Variants in CNTN4 observed in about 807,000 individuals in gnomAD.
The protein encoded by CNTN4 is contactin 4, also known as contactin-4.
In CNTN4, 77 loss-of-function variants were observed where a neutral mutation model predicts 122.5. That is an observed-to-expected ratio of 0.63 (90% CI 0.52 to 0.76). The LOEUF is 0.76. Among genes scored for constraint, CNTN4 ranks in the 30% least tolerant of loss-of-function variants. The probability of loss-of-function intolerance (pLI) is 0.00; values close to 1 mark genes in which losing one functional copy is unlikely to be tolerated. For missense variants in CNTN4, 1,256 were observed against 1,259.1 expected, an observed-to-expected ratio of 1.00 and a Z score of 0.04; for synonymous variants, 512 against 447.0, an observed-to-expected ratio of 1.15 and a Z score of -1.83.
intron 6 of CNTN4, among the ~76,000 whole-genome samples, chr3:2,800,839 C>T (rs2092329947): frequency 6.6e-6 from 1 of 152,152 alleles, no homozygotes; most frequent in African/African-American, 2.4e-5. Flanking sequence ...TTTAAGAGCC[C>T]TTTCTTCTAC....
chr3:2,151,579 T>C (rs1036922721), intron 2 of CNTN4, among the ~76,000 whole-genome samples: 12 of 152,224 alleles, frequency 7.9e-5, no homozygotes, highest in African/African-American at 2.9e-4. Context: ...CCAAAACTCA[T>C]GTCGAAATTT....
chr3:2,104,987 A>T (rs1259904719), intron 2 of CNTN4, among the ~76,000 whole-genome samples: 2 of 152,160 alleles, frequency 1.3e-5, no homozygotes, highest in East Asian at 3.9e-4. Flanking sequence ...GGAGCATGGG[A>T]ACCAGGTCTT....
intron 2 of CNTN4, among the ~76,000 whole-genome samples, chr3:2,248,941 C>G (rs940794065): frequency 6.6e-6 from 1 of 151,832 alleles, no homozygotes; most frequent in South Asian, 2.1e-4. Flanking sequence ...AAGGTATTCC[C>G]TCGTACCCTC....
chr3:2,687,768 T>A (rs1449821788), intron 4 of CNTN4, among the ~76,000 whole-genome samples: 1 of 152,206 alleles, frequency 6.6e-6, no homozygotes, highest in Non-Finnish European at 1.5e-5. Flanking sequence ...TTTGATAGGG[T>A]TTTCATCAAG....
intron 3 of CNTN4, among the ~76,000 whole-genome samples, chr3:2,397,777 A>G (rs1022001668): frequency 6.6e-6 from 1 of 152,220 alleles, no homozygotes; most frequent in African/African-American, 2.4e-5. Flanking sequence ...GAGATTATTT[A>G]GAAATAATTA....
intron 2 of CNTN4, among the ~76,000 whole-genome samples, chr3:2,326,519 C>CACACACAT (rs1553624462): frequency 0.027 from 3,720 of 140,088 alleles, 93 homozygotes; most frequent in South Asian, 0.062. Context: ...CACACACACA[C>CACACACAT]ACACACACAA....
intron 4 of CNTN4, among the ~76,000 whole-genome samples, chr3:2,596,816 C>A (rs1456307598): frequency 6.6e-6 from 1 of 152,098 alleles, no homozygotes; most frequent in Non-Finnish European, 1.5e-5. Flanking sequence ...AATTTTAATA[C>A]AATAAATGCT....
chr3:2,896,258 A>G (rs1007907917), intron 10 of CNTN4, among the ~76,000 whole-genome samples: 1 of 152,132 alleles, frequency 6.6e-6, no homozygotes, highest in Admixed American at 6.5e-5. Context: ...AATTCTCAAT[A>G]TTTAATACAA....
At chr3:2,846,443 C>T (rs2093457453) in intron 7 of CNTN4, among the ~76,000 whole-genome samples, 1 of 152,198 alleles carries the variant, frequency 6.6e-6, no homozygotes, top group South Asian at 2.1e-4. Flanking sequence ...CATCCCCAGC[C>T]ATGCAGGATG....
chr3:2,433,311 C>T (rs2048144672), intron 3 of CNTN4, among the ~76,000 whole-genome samples: 1 of 152,206 alleles, frequency 6.6e-6, no homozygotes, highest in Non-Finnish European at 1.5e-5. Flanking sequence ...CTTCCTTTGT[C>T]TCTTCCATAA....
chr3:2,863,465 C>G (rs1410181730), intron 7 of CNTN4, among the ~76,000 whole-genome samples: 1 of 39,804 alleles, frequency 2.5e-5, no homozygotes, highest in African/African-American at 1.0e-4. Context: ...TTTTTTTTTT[C>G]AGCATAAGAA....
chr3:2,862,997 C>A (rs1384423591), intron 7 of CNTN4, among the ~76,000 whole-genome samples: 2 of 152,150 alleles, frequency 1.3e-5, no homozygotes, highest in African/African-American at 4.8e-5. Flanking sequence ...GTCCGCCTCA[C>A]CCCTTTTTGG....
At chr3:2,925,519 C>T in intron 12 of CNTN4, 110 bp from the exon 13 acceptor site, 2 of 1,219,056 alleles carry the variant, frequency 1.6e-6, no homozygotes, top group South Asian at 2.8e-5. Flanking sequence ...CACCACTGCA[C>T]TGGCAACAGA....
chr3:2,381,882 G>A (rs562632053), intron 3 of CNTN4, among the ~76,000 whole-genome samples: 496 of 152,114 alleles, frequency 3.3e-3, no homozygotes, highest in Non-Finnish European at 5.6e-3. Context: ...CTATGAAGGT[G>A]CAAGGTTCTA....
intron 3 of CNTN4, among the ~76,000 whole-genome samples, chr3:2,566,640 A>C (rs199602315): frequency 0.067 from 10,170 of 152,320 alleles, 372 homozygotes; most frequent in East Asian, 0.1. Context: ...AAGTTTAAAT[A>C]AACGATGATA....
chr3:2,704,957 G>T (rs1399013774), intron 4 of CNTN4, among the ~76,000 whole-genome samples: 2 of 151,968 alleles, frequency 1.3e-5, no homozygotes, highest in Non-Finnish European at 2.9e-5. Flanking sequence ...CTGGAGCATT[G>T]TATTAAACAT....
chr3:2,347,000 T>TAGCC (rs113530674), intron 3 of CNTN4, among the ~76,000 whole-genome samples: 55,421 of 151,850 alleles, frequency 0.36, 10,434 homozygotes, highest in African/African-American at 0.44. Context: ...AACTCCTAGC[T>TAGCC]AGCCTTTCAC....
At chr3:2,892,733 C>T (rs568347942) in intron 10 of CNTN4, among the ~76,000 whole-genome samples, 1 of 152,186 alleles carries the variant, frequency 6.6e-6, no homozygotes, top group African/African-American at 2.4e-5. Context: ...AGAGTTAAAC[C>T]ATCTTCATAA....
chr3:2,593,378 A>G (rs557935000), intron 4 of CNTN4, among the ~76,000 whole-genome samples: 1 of 152,350 alleles, frequency 6.6e-6, no homozygotes, highest in Non-Finnish European at 1.5e-5. Context: ...ATTATCGGAT[A>G]GGTAGATACA....
Sources: gnomAD v4.1 joint callset for allele counts (sites outside exome capture counted in the v4.1 genomes callset) on GRCh38, gnomAD v4.1.1 for gene constraint, MANE v1.5 for transcripts, NCBI Gene and HGNC (gene_info 2026-07-23, HGNC 2026-07-21) for gene names.